The following NAMPT variants were observed in gnomAD, a reference collection of about 807,000 sequenced individuals.
NAMPT encodes NAmPRTase.
Under a neutral mutation model 58.7 loss-of-function variants are expected in NAMPT, and 7 were observed. The ratio of observed to expected loss-of-function variants is 0.12; its 90% CI spans 0.07 to 0.22. The LOEUF (loss-of-function observed/expected upper bound fraction) is 0.22, where lower values mean the gene tolerates loss of function less well. Among genes scored for constraint, NAMPT ranks in the 10% least tolerant of loss-of-function variants. NAMPT has a pLI of 1.00. For missense variants in NAMPT, 271 were observed against 567.9 expected, an observed-to-expected ratio of 0.48 and a Z score of 5.31; for synonymous variants, 145 against 198.1, an observed-to-expected ratio of 0.73 and a Z score of 2.25.
At chr7:106,267,669 G>A (rs1367256193) in intron 6 of NAMPT, among the ~76,000 whole-genome samples, 5 of 150,302 alleles carry the variant, frequency 3.3e-5, no homozygotes, top group East Asian at 2.0e-4. Flanking sequence ...GTGAAACCCC[G>A]TCTCTACTAA....
rs368470950 is a variant in NAMPT at position 106,266,211 on chromosome 7, AT to A, written c.743+2252del. Among the ~76,000 whole-genome samples, 258 of 152,336 alleles carry A rather than the reference AT, an allele frequency of 1.7e-3. 6 individuals are homozygous for A. The South Asian group carries it at 0.052, about 31-fold the overall frequency. On this transcript the variant is annotated intron_variant, in intron 6 of 10. Coordinates refer to ENST00000222553, the MANE Select transcript of NAMPT (RefSeq NM_005746.3). ...TATTAAGAACATGTGAGGCATTTGAATATATAAGGAGTCAAATTTTACAAAT... is the reference window on the plus strand; with the variant it reads ...TATTAAGAACATGTGAGGCATTTGAAATATAAGGAGTCAAATTTTACAAAT...
At chr7:106,271,931 G>T (rs1233624365) in intron 4 of NAMPT, 1 of 181,304 alleles carries the variant, frequency 5.5e-6, no homozygotes. Context: ...CTCTGACCAT[G>T]TGAAAACATA....
At chr7:106,264,793 A>G (rs1027340983) in intron 6 of NAMPT, among the ~76,000 whole-genome samples, 3 of 152,120 alleles carry the variant, frequency 2.0e-5, no homozygotes. Flanking sequence ...CATTTATTAT[A>G]AAGCCCAAGT....
At chr7:106,285,565 A>C, upstream of NAMPT, 5 of 985,844 alleles carry the variant, frequency 5.1e-6, no homozygotes, top group South Asian at 2.3e-4. Flanking sequence ...TGGATTAAGG[A>C]TCCAGCCTTT....
chr7:106,267,866 A>AAAAAAAAAAAAAAAAAAAAAC (rs767872084), intron 6 of NAMPT, among the ~76,000 whole-genome samples: 5 of 133,646 alleles, frequency 3.7e-5, no homozygotes, highest in Non-Finnish European at 6.7e-5. Flanking sequence ...AAAAAAAAAA[A>AAAAAAAAAAAAAAAAAAAAAC]AAAAAAAAAA....
Position 106,250,296 on chromosome 7 carries a change from T to C in NAMPT, c.*787A>G, listed in dbSNP as rs995592537. 2.3e-4 allele frequency: 35 copies of C among 152,342 alleles called. No individual in the cohort carries two copies. The Admixed American group carries it at 2.3e-3, about 10-fold the overall frequency. The allele number at this position is 152,342 out of a possible 1,614,324, so 9.4% of individuals were successfully genotyped here. On this transcript the variant is annotated 3_prime_UTR_variant, in exon 11 of 11. Coordinates refer to ENST00000222553, the MANE Select transcript of NAMPT (RefSeq NM_005746.3). ...TAAAAACATTATCTCCTTAAAATCT[T>C]GAGGTGCATATTAGAGCCACAGGCA...
intron 8 of NAMPT, among the ~76,000 whole-genome samples, chr7:106,258,808 T>C (rs1232045682): frequency 6.6e-6 from 1 of 152,212 alleles, no homozygotes; most frequent in East Asian, 1.9e-4. Flanking sequence ...GTGGAGGGTC[T>C]TGCCCTGTTG....
At chr7:106,253,948 A>G (rs566357966) in intron 9 of NAMPT, among the ~76,000 whole-genome samples, 1 of 152,286 alleles carries the variant, frequency 6.6e-6, no homozygotes, top group East Asian at 1.9e-4. Context: ...CTACTAGAAC[A>G]TGACTGTGGT....
chr7:106,264,786 T>G (rs896662528), intron 6 of NAMPT, among the ~76,000 whole-genome samples: 1 of 152,138 alleles, frequency 6.6e-6, no homozygotes, highest in Non-Finnish European at 1.5e-5. Context: ...GCACATTCAT[T>G]TATTATAAAG....
Position 106,253,083 on chromosome 7 carries a change from A to G in NAMPT, c.1299T>C (p.His433=), listed in dbSNP as rs532984034. 19 of 1,613,312 alleles carry G rather than the reference A, an allele frequency of 1.2e-5. No individual in the cohort carries two copies. Among genetic ancestry groups the G allele is most frequent in the South Asian group, 4.4e-5 (4 of 91,068 alleles). The change falls in exon 10 of 11, where the codon CAT becomes CAC. Residue 433 remains histidine (H), a synonymous_variant. Transcript: ENST00000222553. ...TAACAAAATTCCCTGCTGGCGTCCT[A>G]TGTAAAGATAATCGGCCCTTTTTGG... ...KRSKKGRLSL[H]RTPAGNFVTL...
intron 1 of NAMPT, among the ~76,000 whole-genome samples, chr7:106,280,126 C>T (rs555037866): frequency 8.3e-4 from 127 of 152,146 alleles, no homozygotes; most frequent in African/African-American, 2.8e-3. Flanking sequence ...AAGGATTAGC[C>T]TAGTGGTGGA....
At chr7:106,277,529 A>T (rs988214255) in intron 1 of NAMPT, among the ~76,000 whole-genome samples, 2 of 152,208 alleles carry the variant, frequency 1.3e-5, no homozygotes, top group Admixed American at 1.3e-4. Context: ...GAAAGGAATG[A>T]ACTGAAAGAC....
intron 1 of NAMPT, chr7:106,284,428 T>C (rs966050496): frequency 3.3e-5 from 5 of 151,686 alleles, no homozygotes; most frequent in African/African-American, 9.7e-5. Flanking sequence ...CCGGGGCCGT[T>C]ACCTAACTGG....
intron 1 of NAMPT, among the ~76,000 whole-genome samples, chr7:106,280,185 T>A (rs537452550): frequency 1.3e-5 from 2 of 152,220 alleles, no homozygotes; most frequent in South Asian, 4.2e-4. Flanking sequence ...TAGGGGCTAT[T>A]AGGTTAGATG....
intron 8 of NAMPT, among the ~76,000 whole-genome samples, chr7:106,255,409 G>A (rs1792183001): frequency 6.6e-6 from 1 of 152,184 alleles, no homozygotes; most frequent in Non-Finnish European, 1.5e-5. Flanking sequence ...ACTTTCAGAA[G>A]TTATTAGAAA....
chr7:106,254,840 G>C (rs1255703417), intron 8 of NAMPT, among the ~76,000 whole-genome samples: 1 of 152,120 alleles, frequency 6.6e-6, no homozygotes, highest in African/African-American at 2.4e-5. Context: ...CATTCACCTC[G>C]TTAAGTTATT....
At chr7:106,265,259 C>G (rs1431439753) in intron 6 of NAMPT, among the ~76,000 whole-genome samples, 1 of 152,140 alleles carries the variant, frequency 6.6e-6, no homozygotes. Context: ...TAAGGGGTCA[C>G]TACTTATAAC....
chr7:106,284,980 C>G lies in NAMPT; in HGVS notation c.-96G>C. ...CTTCACCGCGCTCCGTTGCTTAAGT[C>G]ACTGCTCGGTCGGCGGAGGAGGGGG... On this transcript the variant is annotated 5_prime_UTR_variant, in exon 1 of 11. Coordinates refer to ENST00000222553, the MANE Select transcript of NAMPT (RefSeq NM_005746.3). 1.3e-6 allele frequency: 2 copies of G among 1,497,430 alleles called. No individual in the cohort carries two copies. The highest frequency in any genetic ancestry group is 1.3e-5 in the South Asian group (1 of 79,866). 92.8% of individuals were successfully genotyped at this position (1,497,430 alleles called of 1,614,324 possible). A position where few individuals can be genotyped will look rare whatever the true frequency, so the allele number is the denominator to read the frequency against.
chr7:106,249,094 TTTGA>T lies in NAMPT; in HGVS notation c.*1985_*1988del, dbSNP rs1376794402. ...AAAACTATTATTGGTAATAGTTTCT[TTTGA>T]TTCTTTACACGCCCCTTAGCACATT... On this transcript the variant is annotated 3_prime_UTR_variant, in exon 11 of 11. Transcript: ENST00000222553. 3.3e-5 allele frequency: 5 copies of T among 152,352 alleles called. No homozygotes were observed. The highest frequency in any genetic ancestry group is 2.6e-4 in the Admixed American group (4 of 15,248). The allele number at this position is 152,352 out of a possible 1,614,324, so 9.4% of individuals were successfully genotyped here. A position where few individuals can be genotyped will look rare whatever the true frequency, so the allele number is the denominator to read the frequency against.
Sources: gnomAD v4.1 joint callset for allele counts (sites outside exome capture counted in the v4.1 genomes callset) on GRCh38, gnomAD v4.1.1 for gene constraint, MANE v1.5 for transcripts, NCBI Gene and HGNC (gene_info 2026-07-23, HGNC 2026-07-21) for gene names.